The following DYM variants were observed in gnomAD, a reference collection of about 807,000 sequenced individuals.
DYM encodes the protein dyggve-Melchior-Clausen syndrome protein.
DYM carries 78 observed loss-of-function variants against 93.1 expected under a neutral mutation model. The observed-to-expected ratio is 0.84, with a 90% CI of 0.70 to 1.01. DYM has a LOEUF of 1.01. Ranked by LOEUF, DYM falls within the 50% of genes least tolerant of loss-of-function variation. DYM has a pLI of 0.00. For missense variants in DYM, 789 were observed against 845.0 expected, an observed-to-expected ratio of 0.93 and a Z score of 0.82; for synonymous variants, 321 against 319.7, an observed-to-expected ratio of 1.00 and a Z score of -0.04.
intron 17 of DYM, among the ~76,000 whole-genome samples, chr18:49,084,254 T>A (rs970312817): frequency 7.9e-5 from 12 of 152,242 alleles, no homozygotes; most frequent in Admixed American, 7.8e-4. Flanking sequence ...AATTTCCAAA[T>A]ATTAGAAGCT....
At chr18:49,090,717 C>G (rs1419424012) in intron 17 of DYM, among the ~76,000 whole-genome samples, 1 of 152,022 alleles carries the variant, frequency 6.6e-6, no homozygotes, top group Admixed American at 6.6e-5. Context: ...GAGAAAGGTT[C>G]AGAAATAGGA....
chr18:49,441,625 C>T (rs531410469), intron 1 of DYM, among the ~76,000 whole-genome samples: 1 of 151,692 alleles, frequency 6.6e-6, no homozygotes, highest in South Asian at 2.1e-4. Context: ...GATATAAACC[C>T]ACAAAGATCA....
chr18:49,231,933 G>A (rs2093706801), intron 13 of DYM, among the ~76,000 whole-genome samples: 1 of 152,162 alleles, frequency 6.6e-6, no homozygotes, highest in African/African-American at 2.4e-5. Flanking sequence ...GCAAGAAAAG[G>A]AACACAGGTT....
rs764030092 is a variant in DYM, at chr18:49,043,192, C to G, written c.*863G>C. On this transcript the variant is annotated 3_prime_UTR_variant, in exon 18 of 18. Coordinates refer to ENST00000675505, the MANE Select transcript of DYM (RefSeq NM_001353214.3). ...TGGCTCAGGCTGGAGTGTACTGGCA[C>G]GTTCTTAGCTCACTGCAGCCTTGAA... 4 of 151,392 alleles carry G rather than the reference C, an allele frequency of 2.6e-5. No homozygotes were observed. The East Asian group carries it at 7.8e-4, about 29-fold the overall frequency. The allele number at this position is 151,392 out of a possible 1,614,324, so 9.4% of individuals were successfully genotyped here.
chr18:49,060,407 A>T (rs1424908847), intron 17 of DYM, among the ~76,000 whole-genome samples: 1 of 151,526 alleles, frequency 6.6e-6, no homozygotes. Flanking sequence ...CTCCCTCCAG[A>T]GTCTTAAGTG....
intron 14 of DYM, among the ~76,000 whole-genome samples, chr18:49,193,681 A>G (rs1033416964): frequency 1.3e-5 from 2 of 152,222 alleles, no homozygotes; most frequent in Admixed American, 1.3e-4. Flanking sequence ...ATCTCACTTT[A>G]TAATGCTGTG....
At chr18:49,362,660 C>A (rs1341159871) in intron 6 of DYM, among the ~76,000 whole-genome samples, 1 of 152,206 alleles carries the variant, frequency 6.6e-6, no homozygotes, top group African/African-American at 2.4e-5. Context: ...CTGACTCAAT[C>A]AGTTCCTTTT....
At chr18:49,196,989 G>A (rs1045914105) in intron 14 of DYM, among the ~76,000 whole-genome samples, 1 of 152,176 alleles carries the variant, frequency 6.6e-6, no homozygotes, top group African/African-American at 2.4e-5. Context: ...GATGTAGTGA[G>A]GATGAATACA....
chr18:49,333,800 A>G lies in DYM; in HGVS notation c.548T>C (p.Leu183Pro). Residue 183 changes from leucine (L) to proline (P), a missense_variant, in exon 7 of 18, where the codon CTT (leucine) becomes CCT (proline). Physicochemically the swap from Leu to Pro is moderately conservative, Grantham distance 98. Transcript: ENST00000675505. Reference protein sequence around the residue: ...VEAISTMVVFLSCQLFHKEVL... With the variant: ...VEAISTMVVFPSCQLFHKEVL... ...TTCTTTGTGGAAGAGTTGGCAGGAA[A>G]GGAAAACAACCATTGTTGATATAGC... 1 of 1,613,806 alleles carries G rather than the reference A, an allele frequency of 6.2e-7. No homozygotes were observed. Among genetic ancestry groups the G allele is most frequent in the Non-Finnish European group, 8.5e-7 (1 of 1,179,708 alleles).
chr18:49,316,020 G>A (rs566330995), intron 8 of DYM, among the ~76,000 whole-genome samples: 2 of 152,164 alleles, frequency 1.3e-5, no homozygotes, highest in African/African-American at 2.4e-5. Flanking sequence ...AGTGGCTCAC[G>A]CCTGTAATCC....
At chr18:49,393,501 T>C (rs1196245768) in intron 2 of DYM, 1 of 152,314 alleles carries the variant, frequency 6.6e-6, no homozygotes, top group Non-Finnish European at 1.5e-5. Context: ...ACAGGCGCGG[T>C]GGCTCATGCC....
intron 5 of DYM, among the ~76,000 whole-genome samples, chr18:49,370,312 A>G (rs1428837028): frequency 6.7e-6 from 1 of 149,858 alleles, no homozygotes; most frequent in Non-Finnish European, 1.5e-5. Flanking sequence ...AAACAGGACT[A>G]ACTCCCTCTC....
intron 13 of DYM, among the ~76,000 whole-genome samples, chr18:49,215,863 T>C (rs1023459824): frequency 6.6e-5 from 10 of 152,190 alleles, no homozygotes; most frequent in East Asian, 1.9e-4. Flanking sequence ...TCTGAGGTAC[T>C]GGGTTCATCT....
At chr18:49,381,186 T>G (rs1034194993) in intron 3 of DYM, among the ~76,000 whole-genome samples, 4 of 152,028 alleles carry the variant, frequency 2.6e-5, no homozygotes, top group Non-Finnish European at 4.4e-5. Context: ...TAGAGATGGT[T>G]TTGCCCTATG....
chr18:49,359,024 C>A (rs1357335727), intron 6 of DYM, among the ~76,000 whole-genome samples: 1 of 152,218 alleles, frequency 6.6e-6, no homozygotes, highest in African/African-American at 2.4e-5. Flanking sequence ...TCCCACAAGT[C>A]TCATTCAGCC....
chr18:49,353,542 T>G (rs1345490730), intron 6 of DYM, among the ~76,000 whole-genome samples: 2 of 151,896 alleles, frequency 1.3e-5, no homozygotes, highest in Non-Finnish European at 2.9e-5. Flanking sequence ...AAGACATATA[T>G]TACACAGAAA....
chr18:49,448,428 A>G (rs1308613649), intron 1 of DYM, among the ~76,000 whole-genome samples: 1 of 152,186 alleles, frequency 6.6e-6, no homozygotes, highest in Non-Finnish European at 1.5e-5. Flanking sequence ...CCCAACTATT[A>G]TGTAGTTTTT....
intron 6 of DYM, among the ~76,000 whole-genome samples, chr18:49,350,013 A>G (rs1019163208): frequency 1.3e-5 from 2 of 152,212 alleles, no homozygotes; most frequent in African/African-American, 4.8e-5. Flanking sequence ...AAAATTTTAT[A>G]ATGTACAATG....
intron 5 of DYM, among the ~76,000 whole-genome samples, chr18:49,376,676 C>T (rs943549034): frequency 1.3e-5 from 2 of 152,206 alleles, no homozygotes; most frequent in African/African-American, 4.8e-5. Flanking sequence ...TAGTGAGATT[C>T]GGACCTTACA....
Sources: allele counts gnomAD v4.1 joint callset (sites outside exome capture counted in the v4.1 genomes callset), GRCh38; gene constraint gnomAD v4.1.1; transcripts MANE v1.5; gene names NCBI Gene and HGNC (gene_info 2026-07-23, HGNC 2026-07-21).